PPP1R7: variants seen among roughly 807,000 people sequenced by gnomAD.
PPP1R7 encodes protein phosphatase 1 regulatory subunit 22.
PPP1R7 carries 18 observed loss-of-function variants against 45.2 expected under a neutral mutation model. The ratio of observed to expected loss-of-function variants is 0.40; its 90% confidence interval spans 0.28 to 0.59. The LOEUF (loss-of-function observed/expected upper bound fraction) is 0.59. PPP1R7 is among the 20% of genes least tolerant of loss of function. PPP1R7 has a pLI of 0.46. For synonymous variants in PPP1R7, 181 were observed against 183.4 expected (o/e 0.99, Z 0.11); for missense variants, 314 against 455.8 (o/e 0.69, Z 2.83).
chr2:241,174,396 A>C (rs1193684025), intron 9 of PPP1R7, among the ~76,000 whole-genome samples: 2 of 152,156 alleles, frequency 1.3e-5, no homozygotes, highest in Admixed American at 6.5e-5. Flanking sequence ...AGGATTCCAC[A>C]GGATACCATG....
At chr2:241,172,010 G>A (rs1179176402) in intron 9 of PPP1R7, among the ~76,000 whole-genome samples, 2 of 152,134 alleles carry the variant, frequency 1.3e-5, no homozygotes, top group African/African-American at 4.8e-5. Context: ...TTTAAGTGGT[G>A]TCTTTAGACT....
upstream of PPP1R7, chr2:241,150,466 C>T (rs202154027): frequency 1.0e-4 from 159 of 1,580,424 alleles, no homozygotes; most frequent in Non-Finnish European, 1.8e-5. Context: ...TCTGAGGCGA[C>T]AGATTCCGGA....
chr2:241,180,290 G>T (rs2067977991), intron 9 of PPP1R7, among the ~76,000 whole-genome samples: 1 of 150,824 alleles, frequency 6.6e-6, no homozygotes. Context: ...AGTGGTTAAG[G>T]CAGTGGTGTT....
chr2:241,169,936 T>A lies in PPP1R7; in HGVS notation c.906+69T>A, dbSNP rs2067785450. On this transcript the variant is annotated intron_variant, in intron 9 of 9. Transcript: ENST00000234038. ...TGGTCTCACTGATTAAAATGTCTTA[T>A]GAATGAATACAAGAATCTCCTGTAA... 2.4e-6 allele frequency: 3 copies of A among 1,263,830 alleles called. No individual in the cohort carries two copies. In the South Asian group the frequency reaches 3.6e-5, roughly 15 times the overall value. 78.3% of individuals were successfully genotyped at this position (1,263,830 alleles called of 1,614,324 possible).
At chr2:241,163,432 C>A in intron 7 of PPP1R7, 31 bp downstream of exon 7, 2 of 1,496,418 alleles carry the variant, frequency 1.3e-6, no homozygotes, top group South Asian at 1.1e-5. Context: ...CCCTTCCCTG[C>A]GAGCCCTGGC....
At chr2:241,180,192 A>G (rs2067975875) in intron 9 of PPP1R7, among the ~76,000 whole-genome samples, 1 of 152,186 alleles carries the variant, frequency 6.6e-6, no homozygotes, top group African/African-American at 2.4e-5. Flanking sequence ...TAAATAGACT[A>G]TGCTACAAGA....
In PPP1R7 at chr2:241,157,871, G is replaced by T. The variant is rs190964369; in HGVS notation, c.237+9G>T. The T allele has an allele frequency of 1.2e-6, 2 of 1,612,230 alleles. No homozygotes were observed. The highest frequency in any genetic ancestry group is 2.2e-5 in the East Asian group (1 of 44,894). On this transcript the variant is annotated intron_variant, in intron 3 of 9. Transcript: ENST00000234038. The stretch of plus-strand genomic sequence containing the variant: ...TGGACAGAGATGCAGAGGTAATGCC[G>T]CCTGCTCAGCCCAGCCTTGGGCGTG...
intron 9 of PPP1R7, among the ~76,000 whole-genome samples, chr2:241,174,900 C>T (rs1034176199): frequency 2.6e-5 from 4 of 152,144 alleles, no homozygotes; most frequent in Non-Finnish European, 5.9e-5. Flanking sequence ...CAGTCTCCAT[C>T]TCCTGACCTC....
At chr2:241,174,903 C>G (rs574459272) in intron 9 of PPP1R7, among the ~76,000 whole-genome samples, 3 of 152,242 alleles carry the variant, frequency 2.0e-5, no homozygotes, top group South Asian at 2.1e-4. Flanking sequence ...TCTCCATCTC[C>G]TGACCTCATG....
intron 5 of PPP1R7, 90 bp downstream of exon 5, chr2:241,159,433 C>G: frequency 6.6e-7 from 1 of 1,515,004 alleles, no homozygotes; most frequent in Non-Finnish European, 9.0e-7. Context: ...CCTGCTGGCT[C>G]TTAGCCCTTG....
chr2:241,171,949 A>G (rs1268908567), intron 9 of PPP1R7, among the ~76,000 whole-genome samples: 1 of 152,182 alleles, frequency 6.6e-6, no homozygotes, highest in African/African-American at 2.4e-5. Context: ...TTTTTCATAA[A>G]AAGTATGTAA....
At chr2:241,155,509 C>G (rs1164063951) in intron 2 of PPP1R7, among the ~76,000 whole-genome samples, 2 of 152,212 alleles carry the variant, frequency 1.3e-5, no homozygotes, top group Non-Finnish European at 2.9e-5. Context: ...CAAATTTAAT[C>G]ATGTCAACTG....
intron 1 of PPP1R7, chr2:241,151,643 A>G (rs1575376889): frequency 2.2e-6 from 1 of 452,358 alleles, no homozygotes; most frequent in Admixed American, 2.4e-5. Flanking sequence ...GAGTCTTTTT[A>G]AGAAGCGCCT....
intron 2 of PPP1R7, among the ~76,000 whole-genome samples, chr2:241,156,855 T>G (rs558052537): frequency 6.6e-6 from 1 of 152,178 alleles, no homozygotes; most frequent in African/African-American, 2.4e-5. Context: ...TTTTTAAGTG[T>G]TTTGAGGGGT....
chr2:241,158,575 T>A, intron 4 of PPP1R7, 26 bp downstream of exon 4: 1 of 1,596,418 alleles, frequency 6.3e-7, no homozygotes, highest in South Asian at 1.1e-5. Flanking sequence ...ATGAGGGGAC[T>A]ATGACGCTCA....
intron 3 of PPP1R7, among the ~76,000 whole-genome samples, 188 bp downstream of exon 3, chr2:241,158,050 T>C (rs1036623675): frequency 2.6e-5 from 4 of 152,166 alleles, no homozygotes; most frequent in African/African-American, 7.2e-5. Context: ...CCCTTGAGGA[T>C]TGTGTGGCAG....
chr2:241,160,368 C>T lies in PPP1R7; in HGVS notation c.471C>T (p.Ile157=), dbSNP rs762600707. The T allele has an allele frequency of 1.2e-6, 2 of 1,609,024 alleles. No individual in the cohort carries two copies. The highest frequency in any genetic ancestry group is 1.1e-5 in the South Asian group (1 of 89,774). Reference sequence around the variant, plus strand: ...TTTCTTTTAATCTGCTGAGAAACATCGAAGGGGTTGACAAGTTGACACGAC... The same window carrying T: ...TTTCTTTTAATCTGCTGAGAAACATTGAAGGGGTTGACAAGTTGACACGAC... The part of the protein sequence containing the change: ...LDISFNLLRN[I]EGVDKLTRLK... Residue 157 remains isoleucine (I), a synonymous_variant, in exon 6 of 10, where the codon ATC becomes ATT. Coordinates refer to ENST00000234038, the MANE Select transcript of PPP1R7 (RefSeq NM_002712.3).
At chr2:241,154,098 T>C (rs2067386974) in intron 2 of PPP1R7, among the ~76,000 whole-genome samples, 2 of 141,754 alleles carry the variant, frequency 1.4e-5, no homozygotes, top group African/African-American at 5.4e-5. Flanking sequence ...GAGAACCGCT[T>C]GAACCCAGGA....
chr2:241,182,641 C>T lies in PPP1R7; in HGVS notation c.907-6C>T. 1 of 1,614,018 alleles carries T rather than the reference C, an allele frequency of 6.2e-7. No individual in the cohort carries two copies. The highest frequency in any genetic ancestry group is 1.3e-5 in the African/African-American group (1 of 75,010). On this transcript the variant is annotated splice_polypyrimidine_tract_variant and splice_region_variant and intron_variant, in intron 9 of 9. Coordinates refer to ENST00000234038, the MANE Select transcript of PPP1R7 (RefSeq NM_002712.3). ...CTAAAGGCTTTTCTGCTGTGTGTGT[C>T]CCCAGATGAACGACAATCTCCTTGA...
Sources: allele counts gnomAD v4.1 joint callset (sites outside exome capture counted in the v4.1 genomes callset), GRCh38; gene constraint gnomAD v4.1.1; transcripts MANE v1.5; gene names NCBI Gene and HGNC (gene_info 2026-07-23, HGNC 2026-07-21).